The following CACNA1B variants were observed in gnomAD, a reference collection of about 807,000 sequenced individuals.
CACNA1B encodes the protein calcium voltage-gated channel subunit alpha1 B.
CACNA1B carries 70 observed loss-of-function variants against 247.2 expected under a neutral mutation model. The ratio of observed to expected loss-of-function variants is 0.28; its 90% CI spans 0.23 to 0.35. The LOEUF (loss-of-function observed/expected upper bound fraction) is 0.35. Among genes scored for constraint, CACNA1B ranks in the 10% least tolerant of loss-of-function variants. The pLI is 1.00. For synonymous variants in CACNA1B, 1,231 were observed against 1,294.4 expected (o/e 0.95, Z 1.05); for missense variants, 2,367 against 3,197.4 (o/e 0.74, Z 6.26).
intron 20 of CACNA1B, among the ~76,000 whole-genome samples, chr9:138,028,103 G>A (rs903349684): frequency 5.1e-5 from 7 of 138,228 alleles, no homozygotes; most frequent in Admixed American, 2.4e-4. Context: ...GCACGGTCTC[G>A]GCTCTGCCTC....
intron 39 of CACNA1B, among the ~76,000 whole-genome samples, chr9:138,110,337 A>G (rs1961579428): frequency 6.6e-6 from 1 of 151,420 alleles, no homozygotes; most frequent in South Asian, 2.1e-4. Flanking sequence ...CTGGTCTTGA[A>G]CTCCTGACCT....
At chr9:138,115,062 G>A (rs1359545595) in intron 41 of CACNA1B, among the ~76,000 whole-genome samples, 1 of 152,208 alleles carries the variant, frequency 6.6e-6, no homozygotes, top group Non-Finnish European at 1.5e-5. Context: ...TGGAGAATAT[G>A]TGGTGCTCAG....
chr9:138,000,288 C>G (rs868385670), intron 15 of CACNA1B, among the ~76,000 whole-genome samples: 1 of 151,964 alleles, frequency 6.6e-6, no homozygotes, highest in Non-Finnish European at 1.5e-5. Context: ...TTAGTAGAGA[C>G]AGGGTTTCAC....
intron 12 of CACNA1B, among the ~76,000 whole-genome samples, chr9:137,980,162 T>C (rs895931397): frequency 5.9e-5 from 9 of 152,260 alleles, no homozygotes; most frequent in African/African-American, 1.4e-4. Flanking sequence ...ATTCTTTCAG[T>C]CCAAGTTGGT....
At chr9:138,097,877 G>C (rs1232306626) in intron 37 of CACNA1B, among the ~76,000 whole-genome samples, 1 of 152,196 alleles carries the variant, frequency 6.6e-6, no homozygotes, top group South Asian at 2.1e-4. Context: ...AGGCCTGGGA[G>C]CCCGACTAGA....
Position 138,072,203 on chromosome 9 carries a change from T to C in CACNA1B, c.4675-1285T>C, listed in dbSNP as rs1960156775. Among the ~76,000 whole-genome samples, 2 of 152,162 alleles carry C rather than the reference T, an allele frequency of 1.3e-5. No individual in the cohort carries two copies. The highest frequency in any genetic ancestry group is 6.5e-5 in the Admixed American group (1 of 15,278). ...GGATATCATTCAAAACCAGTCCTGC[T>C]CCCACAGTTGCAGCATCCCGCCTGA... On this transcript the variant is annotated intron_variant, in intron 32 of 46. Transcript: ENST00000371372. This position sits in a 1 kb window ranked among gnomAD's most constrained non-coding sequence, Gnocchi z 4.5.
At chr9:137,911,062 T>G (rs1957354590) in intron 3 of CACNA1B, among the ~76,000 whole-genome samples, 1 of 152,212 alleles carries the variant, frequency 6.6e-6, no homozygotes, top group East Asian at 1.9e-4. Context: ...TTTCTGTATT[T>G]GGTGTAAGGT....
chr9:138,003,210 G>A (rs1331802534), intron 15 of CACNA1B, among the ~76,000 whole-genome samples: 3 of 147,316 alleles, frequency 2.0e-5, no homozygotes, highest in Non-Finnish European at 4.5e-5. Flanking sequence ...ATGGAGATGG[G>A]GTCTTGCTCT....
chr9:137,970,351 C>T (rs900334732), intron 10 of CACNA1B, among the ~76,000 whole-genome samples: 4 of 152,198 alleles, frequency 2.6e-5, no homozygotes, highest in South Asian at 2.1e-4. Context: ...GGCAGATGTG[C>T]TCTCCTGCAG....
chr9:137,896,429 T>G lies in CACNA1B; in HGVS notation c.530+13546T>G, dbSNP rs546310838. On this transcript the variant is annotated intron_variant, in intron 3 of 46. Transcript: ENST00000371372. ...TCTTTAGGATGTTAATACAGTGGAT[T>G]ACAGTGGTTGATTTTTTGAGTCTTG... is the stretch of plus-strand genomic sequence containing the variant. Among the ~76,000 whole-genome samples the G allele has an allele frequency of 1.1e-4, 17 of 152,314 alleles. No homozygotes were observed. The East Asian group carries it at 3.3e-3, about 29-fold the overall frequency.
intron 20 of CACNA1B, among the ~76,000 whole-genome samples, chr9:138,037,949 G>C (rs925883439): frequency 2.0e-5 from 3 of 152,128 alleles, no homozygotes; most frequent in African/African-American, 7.2e-5. Flanking sequence ...GATTCTTTCT[G>C]TGTTTGTTAT....
At chr9:137,998,503 A>G (rs1420924135) in intron 15 of CACNA1B, among the ~76,000 whole-genome samples, 1 of 152,170 alleles carries the variant, frequency 6.6e-6, no homozygotes, top group Non-Finnish European at 1.5e-5. Flanking sequence ...AATCGCCTGA[A>G]CCTGGGAGGC....
At chr9:137,963,694 G>A (rs1489390951) in intron 10 of CACNA1B, among the ~76,000 whole-genome samples, 2 of 152,134 alleles carry the variant, frequency 1.3e-5, no homozygotes, top group Non-Finnish European at 2.9e-5. Context: ...ACCATGGCCC[G>A]CCTAAAGTTG....
Position 138,120,285 on chromosome 9 carries a change from C to T in CACNA1B, c.6151C>T (p.His2051Tyr), listed in dbSNP as rs1421268750. The change falls in exon 45 of 47, where the codon CAC becomes TAC. Residue 2051 changes from histidine (H) to tyrosine (Y), a missense_variant. Physicochemically the swap from His to Tyr is moderately conservative, Grantham distance 83. Coordinates refer to ENST00000371372, the MANE Select transcript of CACNA1B (RefSeq NM_000718.4). ...ACCCCCTAGCCAGGCGTCGTCGCAC[C>T]ACCACCACCACCGCTGCCACCGCCG... The part of the protein sequence containing the change: ...RPPPSQASSH[H>Y]HHHRCHRRRD... 1.3e-6 allele frequency: 2 copies of T among 1,572,460 alleles called. No homozygotes were observed. The highest frequency in any genetic ancestry group is 2.3e-5 in the South Asian group (2 of 86,582).
intron 3 of CACNA1B, chr9:137,883,127 C>T (rs1463235493): frequency 2.0e-5 from 10 of 508,550 alleles, no homozygotes; most frequent in Non-Finnish European, 2.8e-5. Context: ...CCCCAGGAGG[C>T]GCTGGCTTGC....
In CACNA1B at chr9:138,121,413, T is replaced by C; in HGVS notation, c.6490-56T>C. ...TGTGTGATGTGCTCTGTCTGTTGGT[T>C]CGGCTTTTTTTTTTTTTTTTTTACC... is the stretch of plus-strand genomic sequence containing the variant. On this transcript the variant is annotated intron_variant, in intron 46 of 46. Coordinates refer to ENST00000371372, the MANE Select transcript of CACNA1B (RefSeq NM_000718.4). This position sits in a 1 kb window ranked among gnomAD's most constrained non-coding sequence, Gnocchi z 6.8. 2.3e-6 allele frequency: 3 copies of C among 1,295,750 alleles called. No individual in the cohort carries two copies. Among genetic ancestry groups the C allele is most frequent in the Admixed American group, 5.4e-5 (2 of 36,896 alleles). The allele number at this position is 1,295,750 out of a possible 1,614,324, so 80.3% of individuals were successfully genotyped here.
Position 138,057,217 on chromosome 9 carries a change from G to A in CACNA1B, c.3969-515G>A, listed in dbSNP as rs968263339. 2.6e-5 allele frequency among the ~76,000 whole-genome samples: 4 copies of A among 152,156 alleles called. No individual in the cohort carries two copies. The highest frequency in any genetic ancestry group is 2.1e-4 in the South Asian group (1 of 4,830). The stretch of plus-strand genomic sequence containing the variant: ...CTCCCAAAGTGCTGGGATTACAGGC[G>A]TGAGCCACCGCGCCCGGCCTTTTTT... On this transcript the variant is annotated intron_variant, in intron 26 of 46. Transcript: ENST00000371372. This position sits in a 1 kb window ranked among gnomAD's most constrained non-coding sequence, Gnocchi z 4.0.
chr9:137,912,197 A>T (rs938413270), intron 3 of CACNA1B, among the ~76,000 whole-genome samples: 2 of 152,246 alleles, frequency 1.3e-5, no homozygotes, highest in Non-Finnish European at 2.9e-5. Flanking sequence ...ACTTGGGAAT[A>T]ACGGACATGC....
At chr9:137,921,777 C>T (rs975578017) in intron 6 of CACNA1B, among the ~76,000 whole-genome samples, 1 of 147,912 alleles carries the variant, frequency 6.8e-6, no homozygotes, top group African/African-American at 2.5e-5. Flanking sequence ...GATCACACAG[C>T]GTCCTGGGAG....
Sources: allele counts gnomAD v4.1 joint callset (sites outside exome capture counted in the v4.1 genomes callset), GRCh38; gene constraint gnomAD v4.1.1; non-coding constraint Gnocchi (gnomAD v3.1); transcripts MANE v1.5; gene names NCBI Gene and HGNC (gene_info 2026-07-23, HGNC 2026-07-21).